Variants in CADM1 observed in about 807,000 individuals in gnomAD.
The protein encoded by CADM1 is TSLC-1.
CADM1 carries 15 observed loss-of-function variants against 53.1 expected under a neutral mutation model. The observed-to-expected ratio is 0.28, with a 90% CI of 0.19 to 0.44. CADM1 has a LOEUF of 0.44. CADM1 is among the 20% of genes least tolerant of loss of function. The probability of loss-of-function intolerance (pLI) is 1.00; values close to 1 mark genes in which losing one functional copy is unlikely to be tolerated. For synonymous variants in CADM1, 281 were observed against 243.0 expected, an observed-to-expected ratio of 1.16 and a Z score of -1.45; for missense variants, 434 against 611.3, an observed-to-expected ratio of 0.71 and a Z score of 3.06.
At chr11:115,293,336 G>C (rs375033939) in intron 1 of CADM1, among the ~76,000 whole-genome samples, 1 of 152,184 alleles carries the variant, frequency 6.6e-6, no homozygotes, top group South Asian at 2.1e-4. Flanking sequence ...GGGAGGCTGA[G>C]GCAGGAGAAT....
chr11:115,220,959 G>A (rs1941383468), intron 5 of CADM1, among the ~76,000 whole-genome samples: 1 of 152,142 alleles, frequency 6.6e-6, no homozygotes, highest in South Asian at 2.1e-4. Flanking sequence ...TTTTAATTAT[G>A]TTCATAAATC....
At chr11:115,319,623 C>T (rs1944768554) in intron 1 of CADM1, among the ~76,000 whole-genome samples, 1 of 152,048 alleles carries the variant, frequency 6.6e-6, no homozygotes, top group South Asian at 2.1e-4. Flanking sequence ...TAATAAGTCA[C>T]GTAGTCAGAA....
chr11:115,305,900 C>CAAAAAAAAA (rs35517673), intron 1 of CADM1, among the ~76,000 whole-genome samples: 8 of 80,810 alleles, frequency 9.9e-5, no homozygotes, highest in African/African-American at 2.3e-4. Context: ...GACTCCATCT[C>CAAAAAAAAA]AAAAAAAAAA....
intron 1 of CADM1, chr11:115,256,880 C>T (rs1372888662): frequency 2.2e-6 from 1 of 456,060 alleles, no homozygotes; most frequent in Non-Finnish European, 4.4e-6. Flanking sequence ...GATCTCTGAA[C>T]AGTTTTCTGC....
intron 8 of CADM1, among the ~76,000 whole-genome samples, chr11:115,207,554 G>C (rs1277880618): frequency 2.0e-5 from 3 of 152,000 alleles, no homozygotes; most frequent in Admixed American, 6.6e-5. Context: ...GATTGTGAGG[G>C]GGAGGAGTTC....
Position 115,210,204 on chromosome 11 carries a change from A to T in CADM1, c.995-547T>A, listed in dbSNP as rs200371988. Among the ~76,000 whole-genome samples the T allele has an allele frequency of 3.9e-5, 6 of 152,222 alleles. No homozygotes were observed. In the East Asian group the frequency reaches 9.6e-4, roughly 24 times the overall value. On this transcript the variant is annotated intron_variant, in intron 7 of 11. Transcript: ENST00000331581. ...CTCATAATAAATACAAAGAAGAGAG[A>T]ATGTCACCACTAAATATCAAGTTCC...
chr11:115,291,148 A>C (rs879118429), intron 1 of CADM1, among the ~76,000 whole-genome samples: 3 of 152,178 alleles, frequency 2.0e-5, no homozygotes, highest in African/African-American at 7.2e-5. Flanking sequence ...AGCAACGAGG[A>C]GTGCCCACTG....
intron 1 of CADM1, among the ~76,000 whole-genome samples, chr11:115,381,407 C>T (rs1476149056): frequency 1.3e-5 from 2 of 151,958 alleles, no homozygotes; most frequent in African/African-American, 4.8e-5. Flanking sequence ...ATTCTAACTA[C>T]AGAGGAATAA....
intron 1 of CADM1, among the ~76,000 whole-genome samples, chr11:115,476,629 G>A (rs2135401657): frequency 6.6e-6 from 1 of 152,294 alleles, no homozygotes; most frequent in South Asian, 2.1e-4. Context: ...CTAAGAAAAT[G>A]CAGACCTTAT....
At chr11:115,318,325 A>T (rs1944729406) in intron 1 of CADM1, among the ~76,000 whole-genome samples, 1 of 152,230 alleles carries the variant, frequency 6.6e-6, no homozygotes, top group Non-Finnish European at 1.5e-5. Flanking sequence ...CATAAATAAA[A>T]TCACAAAGGA....
chr11:115,332,054 G>T (rs1057455341), intron 1 of CADM1, among the ~76,000 whole-genome samples: 7 of 152,156 alleles, frequency 4.6e-5, no homozygotes, highest in Non-Finnish European at 1.5e-5. Flanking sequence ...AACAGGAAAA[G>T]AACCTGAGTT....
intron 1 of CADM1, among the ~76,000 whole-genome samples, chr11:115,404,347 ATATATATATATATAT>A (rs1947253898): frequency 6.9e-5 from 3 of 43,556 alleles, no homozygotes; most frequent in African/African-American, 4.1e-4. Flanking sequence ...AAAAAAAAAA[ATATATATATATATAT>A]ATATATATAT....
Position 115,175,522 on chromosome 11 carries a change from T to C in CADM1, c.*952A>G. The C allele has an allele frequency of 2.0e-6, 2 of 985,546 alleles. No individual in the cohort carries two copies. The highest frequency in any genetic ancestry group is 2.4e-6 in the Non-Finnish European group (2 of 830,002). The allele number at this position is 985,546 out of a possible 1,614,324, so 61.1% of individuals were successfully genotyped here. ...CAGAAACAACCAGAGCAGAACTGTA[T>C]TTCCCCCCTCCCTACTTCCCCTCCT... On this transcript the variant is annotated 3_prime_UTR_variant, in exon 12 of 12. Transcript: ENST00000331581.
intron 1 of CADM1, among the ~76,000 whole-genome samples, chr11:115,326,668 A>G (rs1047866305): frequency 2.6e-5 from 4 of 152,196 alleles, no homozygotes; most frequent in Admixed American, 1.3e-4. Flanking sequence ...CTCAGCACCC[A>G]TATCTGCACA....
intron 8 of CADM1, among the ~76,000 whole-genome samples, chr11:115,206,147 T>C (rs1381229432): frequency 6.6e-6 from 1 of 152,240 alleles, no homozygotes; most frequent in Non-Finnish European, 1.5e-5. Flanking sequence ...TTGAATACTG[T>C]ACTGAAAGTG....
At position 115,175,024 on chromosome 11, in the gene CADM1, G is replaced by A. The variant is rs1029632638; in HGVS notation, c.*1450C>T. On this transcript the variant is annotated 3_prime_UTR_variant, in exon 12 of 12. Transcript: ENST00000331581. ...CTATGCACTATGGCTGCCATCATGC[G>A]AGGATCAGTAATTTTTGGCAGATGG... 7 of 985,722 alleles carry A rather than the reference G, an allele frequency of 7.1e-6. No individual in the cohort carries two copies. Among genetic ancestry groups the A allele is most frequent in the Non-Finnish European group, 7.2e-6 (6 of 829,918 alleles). 61.1% of individuals were successfully genotyped at this position (985,722 alleles called of 1,614,324 possible). A position where few individuals can be genotyped will look rare whatever the true frequency, so the allele number is the denominator to read the frequency against.
At chr11:115,305,702 AT>A (rs1201771857) in intron 1 of CADM1, among the ~76,000 whole-genome samples, 1 of 151,718 alleles carries the variant, frequency 6.6e-6, no homozygotes, top group African/African-American at 2.4e-5. Flanking sequence ...TTGACTTGAG[AT>A]TTTTTTAGGA....
intron 1 of CADM1, among the ~76,000 whole-genome samples, chr11:115,488,800 A>G (rs1949432915): frequency 6.6e-6 from 1 of 152,186 alleles, no homozygotes; most frequent in Non-Finnish European, 1.5e-5. Context: ...TCGCCACAAA[A>G]CAGACTGCCT....
intron 1 of CADM1, among the ~76,000 whole-genome samples, chr11:115,376,725 G>A (rs1443393463): frequency 2.6e-5 from 4 of 152,144 alleles, no homozygotes; most frequent in Admixed American, 2.0e-4. Context: ...GAACCAGAGA[G>A]CCATGAAAAG....
Sources: allele counts gnomAD v4.1 joint callset (sites outside exome capture counted in the v4.1 genomes callset), GRCh38; gene constraint gnomAD v4.1.1; transcripts MANE v1.5; gene names NCBI Gene and HGNC (gene_info 2026-07-23, HGNC 2026-07-21).